CORO2A: variants seen among roughly 807,000 people sequenced by gnomAD.
CORO2A encodes the protein coronin 2A.
In CORO2A, 47 loss-of-function variants were observed where a neutral mutation model predicts 62.4. The observed-to-expected ratio is 0.75, with a 90% CI of 0.60 to 0.96. CORO2A has a LOEUF of 0.96. Ranked by LOEUF, CORO2A falls within the 40% of genes least tolerant of loss-of-function variation. The pLI is 0.00. For missense variants in CORO2A, 610 were observed against 684.1 expected, an observed-to-expected ratio of 0.89 and a Z score of 1.21; for synonymous variants, 273 against 268.9, an observed-to-expected ratio of 1.02 and a Z score of -0.15.
intron 1 of CORO2A, among the ~76,000 whole-genome samples, chr9:98,189,098 A>G (rs894246060): frequency 2.6e-5 from 4 of 152,166 alleles, no homozygotes; most frequent in South Asian, 2.1e-4. Context: ...AAATACCTGT[A>G]TATCTTTTTC....
At chr9:98,166,635 C>T (rs1054366134) in intron 1 of CORO2A, among the ~76,000 whole-genome samples, 2 of 152,020 alleles carry the variant, frequency 1.3e-5, no homozygotes, top group African/African-American at 2.4e-5. Flanking sequence ...AAAAATAGAA[C>T]GATCATACGA....
intron 3 of CORO2A, 146 bp downstream of exon 3, chr9:98,137,426 T>C: frequency 1.4e-6 from 1 of 701,814 alleles, no homozygotes; most frequent in South Asian, 1.6e-5. Flanking sequence ...TCTCCTCCTC[T>C]ACCTTAACTT....
chr9:98,156,204 T>G (rs758660815), intron 2 of CORO2A, among the ~76,000 whole-genome samples: 3 of 152,030 alleles, frequency 2.0e-5, no homozygotes, highest in Non-Finnish European at 2.9e-5. Flanking sequence ...CATGCCCAGT[T>G]AATTTTTGTA....
chr9:98,126,852 C>A, intron 10 of CORO2A, 29 bp from the exon 11 acceptor site: 1 of 1,613,452 alleles, frequency 6.2e-7, no homozygotes, highest in Non-Finnish European at 8.5e-7. Flanking sequence ...CATGTGAGGA[C>A]GGGGTGCCCA....
rs574392269 is a variant in CORO2A, at chr9:98,152,132, T to TTTG, written c.201+5327_201+5328insCAA. 2.9e-3 allele frequency among the ~76,000 whole-genome samples: 444 copies of TTTG among 150,992 alleles called. 7 individuals carry two copies. The highest frequency in any genetic ancestry group is 0.025 in the South Asian group (117 of 4,772). Reference sequence around the variant, plus strand: ...GCACCCGGCCTCTTTTGCTGTTTTTTTTTTTTGTTTTTTCTTTAAGGGACA... The same window carrying TTTG: ...GCACCCGGCCTCTTTTGCTGTTTTTTTTGTTTTTTGTTTTTTCTTTAAGGGACA... On this transcript the variant is annotated intron_variant, in intron 2 of 11. Coordinates refer to ENST00000375077, the MANE Select transcript of CORO2A (RefSeq NM_052820.4).
chr9:98,157,491 C>A lies in CORO2A; in HGVS notation c.170G>T (p.Gly57Val). Reference protein sequence around the residue: ...FIAVVTECAGGGAFLVIPLHQ... With the variant: ...FIAVVTECAGVGAFLVIPLHQ... ...CAGGGGGATGACGAGGAAGGCCCCTCCACCAGCACACTCAGTCACAACTGC... is the reference window on the plus strand; with the variant it reads ...CAGGGGGATGACGAGGAAGGCCCCTACACCAGCACACTCAGTCACAACTGC... Residue 57 changes from glycine to valine, a missense_variant, in exon 2 of 12, where the codon GGA (glycine) becomes GTA (valine). Transcript: ENST00000375077. The A allele has an allele frequency of 6.2e-7, 1 of 1,614,182 alleles. No individual in the cohort carries two copies. Among genetic ancestry groups the A allele is most frequent in the East Asian group, 2.2e-5 (1 of 44,882 alleles).
chr9:98,163,859 T>A (rs901770748), intron 1 of CORO2A, among the ~76,000 whole-genome samples: 1 of 152,110 alleles, frequency 6.6e-6, no homozygotes, highest in Non-Finnish European at 1.5e-5. Flanking sequence ...AAGGGTTAGC[T>A]GCAGGGTGGC....
chr9:98,139,545 C>T (rs1235085377), intron 2 of CORO2A, among the ~76,000 whole-genome samples: 4 of 152,048 alleles, frequency 2.6e-5, no homozygotes, highest in African/African-American at 7.2e-5. Flanking sequence ...GAGAATCACT[C>T]GAACCCAGGA....
chr9:98,189,414 C>T (rs1393620893), intron 1 of CORO2A, among the ~76,000 whole-genome samples: 2 of 152,330 alleles, frequency 1.3e-5, no homozygotes, highest in African/African-American at 4.8e-5. Flanking sequence ...AACACACCAA[C>T]TTCTAAAACG....
chr9:98,179,819 A>G (rs1828153808), intron 1 of CORO2A, among the ~76,000 whole-genome samples: 1 of 152,122 alleles, frequency 6.6e-6, no homozygotes, highest in Non-Finnish European at 1.5e-5. Context: ...CCTGATCAAC[A>G]TGGTGAAACC....
intron 10 of CORO2A, chr9:98,127,031 T>C: frequency 1.6e-6 from 1 of 610,958 alleles, no homozygotes; most frequent in South Asian, 2.0e-5. Context: ...ACCCTCAGAG[T>C]GAAGCTTGGT....
At chr9:98,154,078 C>G (rs1216312626) in intron 2 of CORO2A, among the ~76,000 whole-genome samples, 4 of 151,836 alleles carry the variant, frequency 2.6e-5, no homozygotes, top group African/African-American at 9.7e-5. Flanking sequence ...CTTTTATTTA[C>G]TGTAATTTGC....
intron 1 of CORO2A, among the ~76,000 whole-genome samples, chr9:98,183,106 G>C (rs1474189687): frequency 6.6e-6 from 1 of 152,206 alleles, no homozygotes; most frequent in African/African-American, 2.4e-5. Flanking sequence ...GAAGGCTCAG[G>C]CCCTTCCCCG....
intron 9 of CORO2A, 82 bp downstream of exon 9, chr9:98,128,525 C>T (rs775423169): frequency 1.1e-4 from 141 of 1,258,322 alleles, no homozygotes; most frequent in Non-Finnish European, 1.6e-4. Context: ...GGGCTCCAGG[C>T]TCTGGTGCCC....
chr9:98,134,730 C>T (rs1265403567), intron 4 of CORO2A, 76 bp downstream of exon 4: 3 of 1,455,222 alleles, frequency 2.1e-6, no homozygotes, highest in East Asian at 5.0e-5. Flanking sequence ...AGAACTGTGA[C>T]AGAATACATT....
chr9:98,134,877 G>A lies in CORO2A; in HGVS notation c.397C>T (p.Arg133Cys), dbSNP rs544067311. ...TGCCACTCCACCAGGCCTACTCTGC[G>A]CGCGTGGCCCACGAGTTCCTTCCTG... ...AYRKELVGHA[R>C]RVGLVEWHPT... Residue 133 changes from arginine (R) to cysteine (C), a missense_variant, in exon 4 of 12, where the codon CGC becomes TGC. By Grantham distance (180) the Arg-to-Cys change is radical. Transcript: ENST00000375077. 1.8e-5 allele frequency: 29 copies of A among 1,614,176 alleles called. No individual in the cohort carries two copies. Among genetic ancestry groups the A allele is most frequent in the Admixed American group, 1.0e-4 (6 of 60,016 alleles).
chr9:98,187,222 G>T (rs1481636591), intron 1 of CORO2A, among the ~76,000 whole-genome samples: 1 of 147,188 alleles, frequency 6.8e-6, no homozygotes, highest in Non-Finnish European at 1.5e-5. Context: ...GGTGGAGCTT[G>T]CAGTGAGCCG....
chr9:98,185,966 G>C (rs1172763572), intron 1 of CORO2A, among the ~76,000 whole-genome samples: 1 of 152,222 alleles, frequency 6.6e-6, no homozygotes, highest in African/African-American at 2.4e-5. Flanking sequence ...TGTGGGCAAA[G>C]CCCCAAACTC....
intron 3 of CORO2A, among the ~76,000 whole-genome samples, chr9:98,135,900 A>T (rs1022334043): frequency 6.6e-6 from 1 of 152,158 alleles, no homozygotes; most frequent in Non-Finnish European, 1.5e-5. Flanking sequence ...CCCCGGGAGG[A>T]AGACACACTC....
Sources: gnomAD v4.1 joint callset for allele counts (sites outside exome capture counted in the v4.1 genomes callset) on GRCh38, gnomAD v4.1.1 for gene constraint, MANE v1.5 for transcripts, NCBI Gene and HGNC (gene_info 2026-07-23, HGNC 2026-07-21) for gene names.